Variants in SUGCT observed in about 807,000 individuals in gnomAD.
The protein encoded by SUGCT is succinyl-CoA:glutarate CoA-transferase.
A neutral mutation model predicts 55.0 loss-of-function variants in SUGCT; 41 were observed. The observed-to-expected ratio is 0.74, with a 90% confidence interval of 0.58 to 0.97. The LOEUF is 0.97. Ranked by LOEUF, SUGCT falls within the 50% of genes least tolerant of loss-of-function variation. The pLI, the probability that SUGCT is intolerant of heterozygous loss-of-function variation, is 0.00. For missense variants in SUGCT, 568 were observed against 547.8 expected (o/e 1.04, Z -0.37); for synonymous variants, 187 against 200.4 (o/e 0.93, Z 0.56).
At chr7:40,463,377 T>C (rs558687647) in intron 11 of SUGCT, among the ~76,000 whole-genome samples, 63 of 152,328 alleles carry the variant, frequency 4.1e-4, no homozygotes, top group Admixed American at 2.0e-4. Flanking sequence ...TTGGCTCTTG[T>C]AAATATACAC....
intron 13 of SUGCT, among the ~76,000 whole-genome samples, chr7:40,772,264 G>T (rs150094847): frequency 5.0e-4 from 76 of 152,122 alleles, no homozygotes; most frequent in Admixed American, 1.7e-3. Flanking sequence ...ACCACCTGCT[G>T]AATATCAGCC....
the SUGCT span, among the ~76,000 whole-genome samples, chr7:40,941,029 AT>A: frequency 6.6e-6 from 1 of 151,634 alleles, no homozygotes; most frequent in Non-Finnish European, 1.5e-5. Flanking sequence ...TGCTTTTGAT[AT>A]TTTTGGGTAT....
intron 7 of SUGCT, among the ~76,000 whole-genome samples, chr7:40,269,705 A>G (rs1051928974): frequency 6.6e-6 from 1 of 152,134 alleles, no homozygotes; most frequent in Non-Finnish European, 1.5e-5. Context: ...CATTTCTCTG[A>G]TGGCTAATGA....
At chr7:40,472,488 G>A (rs1790452319) in intron 11 of SUGCT, among the ~76,000 whole-genome samples, 1 of 152,090 alleles carries the variant, frequency 6.6e-6, no homozygotes, top group African/African-American at 2.4e-5. Context: ...ATTAACCGTG[G>A]TTGTCTCTCC....
At chr7:40,164,859 A>G (rs1421513354) in intron 1 of SUGCT, among the ~76,000 whole-genome samples, 1 of 152,172 alleles carries the variant, frequency 6.6e-6, no homozygotes, top group Non-Finnish European at 1.5e-5. Context: ...CTTATTTCCC[A>G]TGAACCTAGA....
At chr7:40,968,273 A>C in the SUGCT span, 121,324 of 152,216 alleles carry the variant, frequency 0.8, 48,491 homozygotes, top group Middle Eastern at 0.83. Flanking sequence ...ATTTACAACA[A>C]CCATGGACCA....
intron 9 of SUGCT, among the ~76,000 whole-genome samples, chr7:40,364,221 A>G (rs1332729278): frequency 1.3e-5 from 2 of 152,000 alleles, no homozygotes; most frequent in East Asian, 1.9e-4. Context: ...TGCACGTGAG[A>G]TGGGTTTTCT....
At chr7:40,849,893 A>T (rs1263846016) in intron 13 of SUGCT, among the ~76,000 whole-genome samples, 5 of 152,094 alleles carry the variant, frequency 3.3e-5, no homozygotes, top group African/African-American at 1.2e-4. Context: ...GGAGGGAGGT[A>T]TTGCAGAGCA....
chr7:40,210,680 A>T (rs1404528721), intron 6 of SUGCT, among the ~76,000 whole-genome samples: 2 of 152,074 alleles, frequency 1.3e-5, no homozygotes, highest in Admixed American at 1.3e-4. Context: ...CTTATTCCTG[A>T]CGCATGTGGC....
At chr7:40,154,137 G>A (rs1783761483) in intron 1 of SUGCT, 4 of 216,508 alleles carry the variant, frequency 1.8e-5, no homozygotes. Context: ...AGAACAAGAT[G>A]GAGAAACAGG....
At chr7:40,522,844 C>T (rs1342340182) in intron 12 of SUGCT, among the ~76,000 whole-genome samples, 1 of 152,016 alleles carries the variant, frequency 6.6e-6, no homozygotes. Context: ...GAGGGTTTCA[C>T]GCTGCTATTA....
At chr7:40,638,506 C>T (rs1800119459) in intron 12 of SUGCT, among the ~76,000 whole-genome samples, 1 of 152,152 alleles carries the variant, frequency 6.6e-6, no homozygotes, top group South Asian at 2.1e-4. Context: ...AATCTGAAGA[C>T]AGAAATGACT....
At chr7:40,676,728 C>T (rs1044546240) in intron 12 of SUGCT, among the ~76,000 whole-genome samples, 3 of 152,056 alleles carry the variant, frequency 2.0e-5, no homozygotes, top group African/African-American at 7.2e-5. Context: ...GTCTCGAACT[C>T]CTGACGTCAG....
At chr7:41,023,419 T>C in the SUGCT span, among the ~76,000 whole-genome samples, 1 of 152,206 alleles carries the variant, frequency 6.6e-6, no homozygotes, top group East Asian at 1.9e-4. Context: ...TTAATATTAA[T>C]GTTAGACAAA....
At chr7:40,374,664 C>T (rs1784454934) in intron 9 of SUGCT, among the ~76,000 whole-genome samples, 1 of 152,100 alleles carries the variant, frequency 6.6e-6, no homozygotes, top group Non-Finnish European at 1.5e-5. Context: ...AATTTGACTG[C>T]CTTAGGTCTA....
chr7:41,002,043 GA>G, the SUGCT span, among the ~76,000 whole-genome samples: 1 of 152,250 alleles, frequency 6.6e-6, no homozygotes, highest in South Asian at 2.1e-4. Context: ...TGTTTATTTT[GA>G]GAGTCTTGCT....
chr7:40,181,808 A>G (rs1785229857), intron 2 of SUGCT, 147 bp from the exon 3 acceptor site: 4 of 558,364 alleles, frequency 7.2e-6, no homozygotes, highest in African/African-American at 1.9e-5. Flanking sequence ...TAAAGCTCCT[A>G]TTACATATGG....
At chr7:40,806,896 A>G (rs193092920) in intron 13 of SUGCT, among the ~76,000 whole-genome samples, 1 of 152,328 alleles carries the variant, frequency 6.6e-6, no homozygotes, top group East Asian at 1.9e-4. Context: ...GTCTCCATGC[A>G]GCTCCATGTG....
chr7:40,154,134 G>C (rs1211206016), intron 1 of SUGCT: 1 of 221,202 alleles, frequency 4.5e-6, no homozygotes, highest in East Asian at 1.2e-4. Flanking sequence ...TTCAGAACAA[G>C]ATGGAGAAAC....
Sources: gnomAD v4.1 joint callset for allele counts (sites outside exome capture counted in the v4.1 genomes callset) on GRCh38, gnomAD v4.1.1 for gene constraint, MANE v1.5 for transcripts, NCBI Gene and HGNC (gene_info 2026-07-23, HGNC 2026-07-21) for gene names.